FGD3: variants seen among roughly 807,000 people sequenced by gnomAD.
The protein encoded by FGD3 is FYVE, RhoGEF and PH domain containing 3.
Under a neutral mutation model 71.8 loss-of-function variants are expected in FGD3, and 45 were observed. The ratio of observed to expected loss-of-function variants is 0.63; its 90% CI spans 0.49 to 0.80. FGD3 has a LOEUF of 0.80. FGD3 is among the 30% of genes least tolerant of loss of function. The probability of loss-of-function intolerance (pLI) is 0.00; values close to 1 mark genes in which losing one functional copy is unlikely to be tolerated. For missense variants in FGD3, 844 were observed against 951.5 expected (o/e 0.89, Z 1.49); for synonymous variants, 378 against 392.8 (o/e 0.96, Z 0.44).
rs202146816 is a variant in FGD3 at position 92,977,223 on chromosome 9, C to T, written c.453+514C>T. Among the ~76,000 whole-genome samples, 452 of 152,238 alleles carry T rather than the reference C, an allele frequency of 3.0e-3. 2 individuals carry two copies. Among genetic ancestry groups the T allele is most frequent in the African/African-American group, 0.01 (431 of 41,538 alleles). ...ATGGTGGGGCAGGACCTGTGAGGCC[C>T]GCAGTGCAGTGTGGAGACCAGAGCA... On this transcript the variant is annotated intron_variant, in intron 3 of 17. Coordinates refer to ENST00000375482, the MANE Select transcript of FGD3 (RefSeq NM_001083536.2).
intron 1 of FGD3, among the ~76,000 whole-genome samples, chr9:92,965,482 TTTGTC>T (rs1248752337): frequency 6.6e-6 from 1 of 152,082 alleles, no homozygotes; most frequent in African/African-American, 2.4e-5. Context: ...GAGGAAGTGG[TTTGTC>T]CCCAGCTGGG....
intron 16 of FGD3, chr9:93,033,280 CCCT>C (rs1040138468): frequency 1.7e-4 from 50 of 296,332 alleles, no homozygotes; most frequent in East Asian, 2.7e-4. Context: ...GGCAGGCACC[CCCT>C]CCTCCTCCTC....
chr9:92,972,375 C>A (rs4410964), intron 1 of FGD3, among the ~76,000 whole-genome samples: 5,790 of 150,848 alleles, frequency 0.038, 172 homozygotes, highest in Middle Eastern at 0.086. Context: ...TCACTTGAAC[C>A]CAGGAGGCGG....
intron 3 of FGD3, among the ~76,000 whole-genome samples, chr9:92,997,161 G>T (rs1394860404): frequency 6.6e-6 from 1 of 152,188 alleles, no homozygotes; most frequent in South Asian, 2.1e-4. Context: ...GGGTGCTCCT[G>T]TATTGGGTGC....
intron 3 of FGD3, among the ~76,000 whole-genome samples, chr9:92,982,281 T>A (rs1040775840): frequency 1.3e-5 from 2 of 152,234 alleles, no homozygotes; most frequent in African/African-American, 4.8e-5. Context: ...CTAAATGTTG[T>A]CTAGTTCCAT....
At chr9:92,990,188 A>G (rs1373710574) in intron 3 of FGD3, among the ~76,000 whole-genome samples, 1 of 152,134 alleles carries the variant, frequency 6.6e-6, no homozygotes, top group Non-Finnish European at 1.5e-5. Flanking sequence ...CTGTAATCCC[A>G]GAACTTTGGG....
At chr9:92,986,092 T>C (rs1362077615) in intron 3 of FGD3, among the ~76,000 whole-genome samples, 1 of 152,170 alleles carries the variant, frequency 6.6e-6, no homozygotes, top group East Asian at 1.9e-4. Context: ...CTGCTCATCC[T>C]TGGGGTTCTG....
chr9:93,006,054 G>A lies in FGD3; in HGVS notation c.711G>A (p.Leu237=). The change falls in exon 6 of 18, where the codon CTG becomes CTA. Residue 237 remains leucine, a synonymous_variant. Coordinates refer to ENST00000375482, the MANE Select transcript of FGD3 (RefSeq NM_001083536.2). ...WDTNPRLGDI[L]QKLAPFLKMY... ...CAAACCCACGGCTCGGGGACATCCT[G>A]CAGAAGCTGGCCCCATTCCTGAAGA... 1 of 1,611,002 alleles carries A rather than the reference G, an allele frequency of 6.2e-7. No homozygotes were observed. The highest frequency in any genetic ancestry group is 1.1e-5 in the South Asian group (1 of 90,632).
chr9:93,013,976 C>T lies in FGD3; in HGVS notation c.1160C>T (p.Pro387Leu), dbSNP rs906580954. 1.2e-6 allele frequency: 2 copies of T among 1,609,340 alleles called. No individual in the cohort carries two copies. Among genetic ancestry groups the T allele is most frequent in the Non-Finnish European group, 1.7e-6 (2 of 1,178,068 alleles). ...IQKLSAKNGT[P>L]QDRHLFLFNS... ...AAACTGTCAGCCAAGAACGGCACCC[C>T]CCAGGACCGCCACCTCTTCCTGGTG... Residue 387 changes from proline to leucine, a missense_variant, in exon 9 of 18, where the codon CCC becomes CTC. By Grantham distance (98) the Pro-to-Leu change is moderately conservative. Transcript: ENST00000375482.
At chr9:93,029,807 C>A in intron 14 of FGD3, 67 bp from the exon 15 acceptor site, 1 of 1,565,452 alleles carries the variant, frequency 6.4e-7, no homozygotes. Flanking sequence ...GCTGCCACTC[C>A]ACTGCCGTGT....
intron 16 of FGD3, chr9:93,033,252 G>A (rs1006656445): frequency 8.6e-6 from 3 of 349,994 alleles, no homozygotes; most frequent in Non-Finnish European, 1.7e-5. Flanking sequence ...GCTGTCAGAG[G>A]GTGAGCAGGG....
In FGD3 at chr9:93,003,287, C is replaced by A. The variant is rs1227122115; in HGVS notation, c.543+273C>A. Among the ~76,000 whole-genome samples the A allele has an allele frequency of 6.6e-6, 1 of 152,158 alleles. No individual in the cohort carries two copies. Among genetic ancestry groups the A allele is most frequent in the Non-Finnish European group, 1.5e-5 (1 of 68,038 alleles). Reference sequence around the variant, plus strand: ...GGGACTACAGGCACATGCCACCACGCCCAGCTAATTTTTGTATTTATAGTA... The same window carrying A: ...GGGACTACAGGCACATGCCACCACGACCAGCTAATTTTTGTATTTATAGTA... On this transcript the variant is annotated intron_variant, in intron 4 of 17. Transcript: ENST00000375482. This position sits in a 1 kb window ranked among gnomAD's most constrained non-coding sequence, Gnocchi z 4.1.
intron 3 of FGD3, among the ~76,000 whole-genome samples, chr9:92,997,039 T>G (rs1860674438): frequency 6.6e-6 from 1 of 152,174 alleles, no homozygotes. Context: ...CCTTGTTAAC[T>G]TTGTCTTGTT....
chr9:93,029,844 A>C, intron 14 of FGD3, 30 bp from the exon 15 acceptor site: 2 of 1,605,608 alleles, frequency 1.2e-6, no homozygotes, highest in Non-Finnish European at 1.7e-6. Flanking sequence ...ATGATTCAGA[A>C]GCTGATGGCA....
intron 15 of FGD3, 40 bp from the exon 16 acceptor site, chr9:93,032,729 T>C: frequency 2.5e-6 from 4 of 1,594,034 alleles, no homozygotes; most frequent in Non-Finnish European, 3.4e-6. Context: ...TAATCCTCTG[T>C]CCCAGGGTGC....
At chr9:92,979,492 T>C (rs1168451914) in intron 3 of FGD3, among the ~76,000 whole-genome samples, 1 of 152,346 alleles carries the variant, frequency 6.6e-6, no homozygotes, top group South Asian at 2.1e-4. Context: ...AATGTACTGT[T>C]GAATTTCATT....
Position 93,010,317 on chromosome 9 carries a change from C to G in FGD3, c.909C>G (p.Tyr303Ter). Residue 303 changes from tyrosine to a stop codon, truncating the protein, a stop_gained, in exon 7 of 18, where the codon TAC (tyrosine) becomes TAG (stop). Coordinates refer to ENST00000375482, the MANE Select transcript of FGD3 (RefSeq NM_001083536.2). LOFTEE classifies it high-confidence loss of function. ...AGCCCGTGCAGAGGGTCCCCCGGTA[C>G]GAGCTGCTGCTCAAGGACTATCTGA... The part of the protein sequence containing the change: ...MLEPVQRVPR[Y>*]ELLLKDYLKR... 2 of 1,613,610 alleles carry G rather than the reference C, an allele frequency of 1.2e-6. No homozygotes were observed. The highest frequency in any genetic ancestry group is 2.2e-5 in the South Asian group (2 of 91,048).
Position 93,029,930 on chromosome 9 carries a change from T to C in FGD3, c.1614T>C (p.Cys538=). The C allele has an allele frequency of 3.1e-6, 5 of 1,613,622 alleles. 1 individual carries two copies. ...GACGTGACAAGGAGAAGCAGAGCTGTAAGAGCTGTGGTGAGACCTTCAACT... is the reference window on the plus strand; with the variant it reads ...GACGTGACAAGGAGAAGCAGAGCTGCAAGAGCTGTGGTGAGACCTTCAACT... ...KTRRDKEKQS[C]KSCGETFNSI... Residue 538 remains cysteine, a synonymous_variant, in exon 15 of 18, where the codon TGT becomes TGC. Coordinates refer to ENST00000375482, the MANE Select transcript of FGD3 (RefSeq NM_001083536.2).
intron 1 of FGD3, among the ~76,000 whole-genome samples, chr9:92,951,603 A>T (rs1249149562): frequency 1.3e-5 from 2 of 152,226 alleles, no homozygotes; most frequent in Non-Finnish European, 2.9e-5. Context: ...TTGAACCCAG[A>T]GGTTGAGGCT....
Sources: allele counts gnomAD v4.1 joint callset (sites outside exome capture counted in the v4.1 genomes callset), GRCh38; gene constraint gnomAD v4.1.1; non-coding constraint Gnocchi (gnomAD v3.1); transcripts MANE v1.5; gene names NCBI Gene and HGNC (gene_info 2026-07-23, HGNC 2026-07-21).